The following KDELR3 variants were observed in gnomAD, a reference collection of about 807,000 sequenced individuals.
KDELR3 encodes the protein ER lumen protein-retaining receptor 3.
In KDELR3, 26 loss-of-function variants were observed where a neutral mutation model predicts 22.7. The observed-to-expected ratio is 1.15, with a 90% confidence interval of 0.84 to 1.59. The LOEUF is 1.59. KDELR3 is among the 40% of genes most tolerant of loss of function. The pLI is 0.00. For synonymous variants in KDELR3, 120 were observed against 98.2 expected (o/e 1.22, Z -1.31); for missense variants, 289 against 251.1 (o/e 1.15, Z -1.02).
chr22:38,480,931 TAAAAA>T (rs369235996), intron 3 of KDELR3, among the ~76,000 whole-genome samples: 1 of 140,870 alleles, frequency 7.1e-6, no homozygotes, highest in African/African-American at 2.6e-5. Flanking sequence ...GACCCTATCT[TAAAAA>T]AAAAAAAATT....
chr22:38,474,452 G>A (rs1303160874), intron 1 of KDELR3, 71 bp from the exon 2 acceptor site: 3 of 1,237,312 alleles, frequency 2.4e-6, no homozygotes, highest in Admixed American at 3.4e-5. Context: ...GCTCCAGGCT[G>A]TGCACCTCTT....
At chr22:38,469,289 G>A (rs1319117725) in intron 1 of KDELR3, among the ~76,000 whole-genome samples, 1 of 152,216 alleles carries the variant, frequency 6.6e-6, no homozygotes, top group Admixed American at 6.5e-5. Flanking sequence ...GGAGGGAGAT[G>A]AGTCCAGGAG....
At chr22:38,473,682 A>C (rs1443855020) in intron 1 of KDELR3, among the ~76,000 whole-genome samples, 2 of 152,274 alleles carry the variant, frequency 1.3e-5, no homozygotes, top group Non-Finnish European at 2.9e-5. Flanking sequence ...ACTAGAAAAA[A>C]GGCTTTTTGG....
intron 4 of KDELR3, among the ~76,000 whole-genome samples, chr22:38,481,788 T>C (rs2089604165): frequency 6.6e-6 from 1 of 151,980 alleles, no homozygotes; most frequent in South Asian, 2.1e-4. Context: ...CCTAGTGGGG[T>C]CAAAATCTAT....
rs536023367 is a variant in KDELR3 at position 38,482,383 on chromosome 22, G to A, written c.605-113G>A. ...GGACTCCCCCTTTGCTTTAACAATC[G>A]AACATATACTGTGAGCCGGCCATTA... On this transcript the variant is annotated intron_variant, in intron 4 of 4. Coordinates refer to ENST00000216014, the MANE Select transcript of KDELR3 (RefSeq NM_006855.4). The A allele has an allele frequency of 5.4e-5, 47 of 871,262 alleles. No homozygotes were observed. The African/African-American group carries it at 7.0e-4, about 13-fold the overall frequency. The allele number at this position is 871,262 out of a possible 1,614,324, so 54.0% of individuals were successfully genotyped here. A position where few individuals can be genotyped will look rare whatever the true frequency, so the allele number is the denominator to read the frequency against.
At chr22:38,468,581 G>T (rs2089502814) in intron 1 of KDELR3, among the ~76,000 whole-genome samples, 1 of 152,186 alleles carries the variant, frequency 6.6e-6, no homozygotes, top group Non-Finnish European at 1.5e-5. Flanking sequence ...TGTCACTGCT[G>T]GTTGGAAGAG....
At chr22:38,479,245 A>G (rs951362109) in intron 2 of KDELR3, among the ~76,000 whole-genome samples, 1 of 152,044 alleles carries the variant, frequency 6.6e-6, no homozygotes, top group Non-Finnish European at 1.5e-5. Context: ...CATATCCAGG[A>G]AATTGTTTTA....
rs900086138 is a variant in KDELR3, at chr22:38,478,346, G to C, written c.193-1247G>C. On this transcript the variant is annotated intron_variant, in intron 2 of 4. Transcript: ENST00000216014. ...GGATCACCTGAGGTGAGGAGTTCGAGACAAGCCTGACCAACATGGTGAAAC... is the reference window on the plus strand; with the variant it reads ...GGATCACCTGAGGTGAGGAGTTCGACACAAGCCTGACCAACATGGTGAAAC... 1.2e-4 allele frequency among the ~76,000 whole-genome samples: 18 copies of C among 151,990 alleles called. No homozygotes were observed. In the South Asian group the frequency reaches 3.1e-3, roughly 26 times the overall value.
At chr22:38,473,146 TGG>T (rs1161304365) in intron 1 of KDELR3, among the ~76,000 whole-genome samples, 2 of 152,180 alleles carry the variant, frequency 1.3e-5, no homozygotes, top group African/African-American at 2.4e-5. Context: ...GCATTTAGAC[TGG>T]GCGCGGTGGC....
At chr22:38,481,923 G>A (rs1388048868) in intron 4 of KDELR3, among the ~76,000 whole-genome samples, 2 of 151,968 alleles carry the variant, frequency 1.3e-5, no homozygotes, top group Admixed American at 1.3e-4. Flanking sequence ...TAGCTTATGA[G>A]CAAAAACAAA....
intron 3 of KDELR3, 122 bp from the exon 4 acceptor site, chr22:38,481,090 G>A: frequency 1.2e-6 from 1 of 822,350 alleles, no homozygotes; most frequent in South Asian, 1.8e-5. Context: ...AATTTTTATT[G>A]AGAACTTTTT....
At chr22:38,470,943 A>C (rs903627476) in intron 1 of KDELR3, among the ~76,000 whole-genome samples, 1 of 152,168 alleles carries the variant, frequency 6.6e-6, no homozygotes, top group African/African-American at 2.4e-5. Flanking sequence ...CAGGAGTTCA[A>C]GACCAGCCTG....
rs551840469 is a variant in KDELR3 at position 38,482,304 on chromosome 22, G to A, written c.605-192G>A. 2.6e-5 allele frequency among the ~76,000 whole-genome samples: 4 copies of A among 152,264 alleles called. No individual in the cohort carries two copies. In the East Asian group the frequency reaches 7.7e-4, roughly 29 times the overall value. On this transcript the variant is annotated intron_variant, in intron 4 of 4. Transcript: ENST00000216014. ...CAATCGCTAAGTTTACAGCTGGGGGGAAGGGTGCCAGTAACCAAGTCGGGG... is the reference window on the plus strand; with the variant it reads ...CAATCGCTAAGTTTACAGCTGGGGGAAAGGGTGCCAGTAACCAAGTCGGGG...
intron 3 of KDELR3, among the ~76,000 whole-genome samples, 169 bp from the exon 4 acceptor site, chr22:38,481,043 A>C (rs1286843947): frequency 1.3e-5 from 2 of 152,208 alleles, no homozygotes; most frequent in African/African-American, 4.8e-5. Context: ...CCTTATATTT[A>C]CCTAGAGATG....
intron 1 of KDELR3, chr22:38,474,243 C>T (rs1220628603): frequency 9.5e-6 from 3 of 316,552 alleles, no homozygotes; most frequent in Non-Finnish European, 1.8e-5. Context: ...AGCAAGAGCC[C>T]AGGCAGGCAC....
intron 1 of KDELR3, among the ~76,000 whole-genome samples, chr22:38,470,139 T>G (rs2055983572): frequency 6.6e-6 from 1 of 151,424 alleles, no homozygotes; most frequent in African/African-American, 2.4e-5. Flanking sequence ...TTTTTTTTTT[T>G]TTGAGACAGA....
chr22:38,470,320 C>G (rs961372796), intron 1 of KDELR3, among the ~76,000 whole-genome samples: 1 of 152,146 alleles, frequency 6.6e-6, no homozygotes, highest in African/African-American at 2.4e-5. Context: ...GACGGGGTTT[C>G]GCCATATTGG....
intron 1 of KDELR3, chr22:38,474,218 C>T (rs1473564847): frequency 3.8e-6 from 1 of 263,736 alleles, no homozygotes; most frequent in South Asian, 5.2e-5. Flanking sequence ...ACACCACCCC[C>T]GACATCCTCC....
At chr22:38,481,036 TA>T (rs2145970857) in intron 3 of KDELR3, among the ~76,000 whole-genome samples, 175 bp from the exon 4 acceptor site, 1 of 152,304 alleles carries the variant, frequency 6.6e-6, no homozygotes, top group East Asian at 1.9e-4. Context: ...AAAAAACCCT[TA>T]TATTTACCTA....
Sources: gnomAD v4.1 joint callset for allele counts (sites outside exome capture counted in the v4.1 genomes callset) on GRCh38, gnomAD v4.1.1 for gene constraint, MANE v1.5 for transcripts, NCBI Gene and HGNC (gene_info 2026-07-23, HGNC 2026-07-21) for gene names.